Variants in DCC observed in about 807,000 individuals in gnomAD.
DCC encodes DCC netrin 1 receptor.
DCC carries 58 observed loss-of-function variants against 172.5 expected under a neutral mutation model. The ratio of observed to expected loss-of-function variants is 0.34; its 90% CI spans 0.27 to 0.42. The LOEUF (loss-of-function observed/expected upper bound fraction) is 0.42. Ranked by LOEUF, DCC falls within the 10% of genes least tolerant of loss-of-function variation. The pLI is 1.00. For missense variants in DCC, 1,740 were observed against 1,791.0 expected (o/e 0.97, Z 0.51); for synonymous variants, 709 against 644.5 (o/e 1.10, Z -1.52).
intron 27 of DCC, among the ~76,000 whole-genome samples, chr18:53,513,909 CAG>C (rs1253832862): frequency 1.3e-5 from 2 of 151,136 alleles, no homozygotes; most frequent in Non-Finnish European, 1.5e-5. Context: ...ATCAACAAGA[CAG>C]AAAGTCAACA....
chr18:52,665,137 T>C (rs1473108837), intron 1 of DCC, among the ~76,000 whole-genome samples: 1 of 152,220 alleles, frequency 6.6e-6, no homozygotes. Flanking sequence ...TTCTTATCCC[T>C]TTTCCAATTT....
In DCC at chr18:52,776,032, G is replaced by A. The variant is rs536554016; in HGVS notation, c.412+23658G>A. Among the ~76,000 whole-genome samples the A allele has an allele frequency of 1.6e-4, 24 of 152,242 alleles. No homozygotes were observed. In the South Asian group the frequency reaches 2.5e-3, roughly 16 times the overall value. On this transcript the variant is annotated intron_variant, in intron 2 of 28. Coordinates refer to ENST00000442544, the MANE Select transcript of DCC (RefSeq NM_005215.4). ...TCTCACTCACACTACAGCAGAGTTG[G>A]ATACTGACTTTCTCCCCAATCAACA... is the stretch of plus-strand genomic sequence containing the variant.
intron 2 of DCC, among the ~76,000 whole-genome samples, chr18:52,874,939 T>C (rs1348128276): frequency 5.3e-5 from 8 of 152,022 alleles, no homozygotes; most frequent in Non-Finnish European, 1.2e-4. Flanking sequence ...TAGAATTGGC[T>C]AGGTATAATT....
intron 21 of DCC, among the ~76,000 whole-genome samples, chr18:53,425,357 CTTTT>C (rs747096336): frequency 0.013 from 1,303 of 101,610 alleles, 20 homozygotes; most frequent in Non-Finnish European, 0.018. Context: ...TTTCTCCTCT[CTTTT>C]TTTTTTTTTT....
At chr18:52,794,287 C>A (rs1241154070) in intron 2 of DCC, among the ~76,000 whole-genome samples, 1 of 152,020 alleles carries the variant, frequency 6.6e-6, no homozygotes, top group African/African-American at 2.4e-5. Flanking sequence ...TTCCTTCAAT[C>A]TTTGAGCATG....
chr18:53,032,143 A>C (rs1460018721), intron 5 of DCC, among the ~76,000 whole-genome samples: 1 of 152,124 alleles, frequency 6.6e-6, no homozygotes, highest in Non-Finnish European at 1.5e-5. Flanking sequence ...ATCTTTTTGA[A>C]TCAGTTTATT....
At chr18:53,256,616 C>A (rs1325816076) in intron 12 of DCC, among the ~76,000 whole-genome samples, 5 of 152,024 alleles carry the variant, frequency 3.3e-5, no homozygotes, top group Non-Finnish European at 5.9e-5. Flanking sequence ...TTACTGTAGC[C>A]TTGTAGTATA....
At chr18:53,435,312 C>A in intron 22 of DCC, 103 bp downstream of exon 22, 1 of 780,100 alleles carries the variant, frequency 1.3e-6, no homozygotes, top group Non-Finnish European at 2.3e-6. Flanking sequence ...TGCCAGGAAC[C>A]TTGGATTTAG....
intron 9 of DCC, among the ~76,000 whole-genome samples, chr18:53,200,146 G>A (rs1271526365): frequency 1.3e-5 from 2 of 152,152 alleles, no homozygotes; most frequent in African/African-American, 4.8e-5. Flanking sequence ...TGTAAACTGA[G>A]TGCAAATTAT....
chr18:53,088,899 A>AT (rs773551787), intron 7 of DCC, among the ~76,000 whole-genome samples: 14 of 152,194 alleles, frequency 9.2e-5, no homozygotes, highest in Non-Finnish European at 1.8e-4. Flanking sequence ...AGAAACGAGC[A>AT]TTAACCCAAA....
intron 2 of DCC, among the ~76,000 whole-genome samples, chr18:52,813,262 A>C (rs1057099911): frequency 1.2e-5 from 1 of 81,350 alleles, no homozygotes; most frequent in Non-Finnish European, 2.6e-5. Flanking sequence ...CATGAATATG[A>C]ATCCACATTT....
intron 1 of DCC, among the ~76,000 whole-genome samples, chr18:52,666,850 T>G (rs991639861): frequency 2.6e-4 from 40 of 152,232 alleles, no homozygotes; most frequent in Admixed American, 3.3e-4. Context: ...AAAATACTTT[T>G]TTCCCCAGAA....
chr18:52,536,449 T>C (rs2032292572), intron 1 of DCC, among the ~76,000 whole-genome samples: 1 of 152,146 alleles, frequency 6.6e-6, no homozygotes, highest in Non-Finnish European at 1.5e-5. Flanking sequence ...GACATGTCTT[T>C]CCTCACAGAT....
chr18:52,506,986 C>A (rs181443784), intron 1 of DCC, among the ~76,000 whole-genome samples: 1 of 151,722 alleles, frequency 6.6e-6, no homozygotes, highest in African/African-American at 2.4e-5. Context: ...GAAAAGTGAA[C>A]CTTAAAAAAG....
Position 52,866,162 on chromosome 18 carries a change from C to G in DCC, c.413-39882C>G, listed in dbSNP as rs564318128. On this transcript the variant is annotated intron_variant, in intron 2 of 28. Transcript: ENST00000442544. ...TATTAAATAAGGAATCCTTTCCGCA[C>G]TGCTTGTTTTCGTTAGGTTTCTTAA... 2.0e-5 allele frequency among the ~76,000 whole-genome samples: 3 copies of G among 152,200 alleles called. No individual in the cohort carries two copies. The Middle Eastern group carries it at 0.01, about 518-fold the overall frequency.
chr18:53,177,001 A>C (rs1256061169), intron 8 of DCC, among the ~76,000 whole-genome samples: 1 of 152,116 alleles, frequency 6.6e-6, no homozygotes, highest in Non-Finnish European at 1.5e-5. Flanking sequence ...ATGCGGCCAT[A>C]AAAAATGATG....
chr18:52,605,899 G>T (rs1283616107), intron 1 of DCC, among the ~76,000 whole-genome samples: 5 of 152,090 alleles, frequency 3.3e-5, no homozygotes, highest in Admixed American at 3.3e-4. Context: ...CTGTGGTTGA[G>T]GTTAGGTGAG....
At chr18:53,455,729 T>G (rs2145159160) in intron 23 of DCC, among the ~76,000 whole-genome samples, 1 of 152,322 alleles carries the variant, frequency 6.6e-6, no homozygotes, top group East Asian at 1.9e-4. Context: ...ATGTATCTAT[T>G]TGGGCCAAGG....
intron 1 of DCC, among the ~76,000 whole-genome samples, chr18:52,659,695 T>A (rs1268314170): frequency 6.6e-6 from 1 of 152,208 alleles, no homozygotes; most frequent in Non-Finnish European, 1.5e-5. Context: ...ACTCAACAAA[T>A]GCTTTCGAAC....
Sources: gnomAD v4.1 joint callset for allele counts (sites outside exome capture counted in the v4.1 genomes callset) on GRCh38, gnomAD v4.1.1 for gene constraint, MANE v1.5 for transcripts, NCBI Gene and HGNC (gene_info 2026-07-23, HGNC 2026-07-21) for gene names.